DOCK9: variants seen among roughly 807,000 people sequenced by gnomAD.
DOCK9 encodes the protein dedicator of cytokinesis protein 9.
Under a neutral mutation model 263.3 loss-of-function variants are expected in DOCK9, and 89 were observed. The ratio of observed to expected loss-of-function variants is 0.34; its 90% CI spans 0.28 to 0.40. The LOEUF (loss-of-function observed/expected upper bound fraction) is 0.40, where lower values mean the gene tolerates loss of function less well. DOCK9 is among the 10% of genes least tolerant of loss of function. DOCK9 has a pLI of 1.00. For synonymous variants in DOCK9, 976 were observed against 973.1 expected, an observed-to-expected ratio of 1.00 and a Z score of -0.06; for missense variants, 2,140 against 2,603.4, an observed-to-expected ratio of 0.82 and a Z score of 3.87.
chr13:99,034,802 G>A (rs1467329275), intron 1 of DOCK9, among the ~76,000 whole-genome samples: 1 of 152,202 alleles, frequency 6.6e-6, no homozygotes, highest in Non-Finnish European at 1.5e-5. Context: ...AAGGAACAGT[G>A]AAGGAACTGT....
chr13:98,981,428 T>C (rs1237223956), upstream of DOCK9, among the ~76,000 whole-genome samples: 3 of 152,168 alleles, frequency 2.0e-5, no homozygotes, highest in Non-Finnish European at 2.9e-5. Flanking sequence ...ATGTGCAATA[T>C]ACAAGGCTGG....
At chr13:99,028,923 T>A (rs148212059) in intron 1 of DOCK9, among the ~76,000 whole-genome samples, 1 of 152,240 alleles carries the variant, frequency 6.6e-6, no homozygotes, top group Admixed American at 6.5e-5. Context: ...TGGCCAATTA[T>A]ATAGGTATTC....
At position 99,010,000 on chromosome 13, in the gene DOCK9, T is replaced by TA. The variant is rs35908012; in HGVS notation, c.130-54450dup. On this transcript the variant is annotated intron_variant, in intron 1 of 32. Coordinates refer to the DOCK9 transcript ENST00000427887. ...ACTTTAAGGTTTTAAGGCCATAAGG[T>TA]AAAAAAAAAAAAAGAGAGAGAAATA... is the stretch of plus-strand genomic sequence containing the variant. Among the ~76,000 whole-genome samples, 1,129 of 134,580 alleles carry TA rather than the reference T, an allele frequency of 8.4e-3. 17 individuals are homozygous for TA. The highest frequency in any genetic ancestry group is 0.049 in the South Asian group (210 of 4,296). The allele number at this position is 134,580 out of a possible 152,430, so 88.3% of individuals were successfully genotyped here.
intron 1 of DOCK9, among the ~76,000 whole-genome samples, chr13:98,959,963 G>A (rs984685826): frequency 1.3e-5 from 2 of 152,174 alleles, no homozygotes; most frequent in African/African-American, 2.4e-5. Flanking sequence ...GCATGGAGGC[G>A]GGGACAGCCC....
At chr13:98,859,589 G>T (rs980779789) in intron 33 of DOCK9, 1 of 152,032 alleles carries the variant, frequency 6.6e-6, no homozygotes, top group Non-Finnish European at 1.5e-5. Flanking sequence ...TTTATCCCAT[G>T]AATTAGTCCC....
At chr13:98,857,156 G>GT (rs1345164703) in intron 33 of DOCK9, 1 of 152,192 alleles carries the variant, frequency 6.6e-6, no homozygotes, top group Non-Finnish European at 1.5e-5. Flanking sequence ...GGCCTGGCTG[G>GT]TTTGGCAGAT....
At chr13:98,808,550 C>A in intron 47 of DOCK9, 1 of 864,652 alleles carries the variant, frequency 1.2e-6, no homozygotes, top group Non-Finnish European at 1.9e-6. Context: ...TGCAAGCTAG[C>A]ATGAAACAAA....
intron 1 of DOCK9, among the ~76,000 whole-genome samples, chr13:99,017,454 G>T (rs1469475039): frequency 1.3e-5 from 2 of 152,122 alleles, no homozygotes; most frequent in Non-Finnish European, 2.9e-5. Flanking sequence ...AAATTAATTT[G>T]TTATTGTTAT....
At chr13:98,974,183 G>GT in intron 1 of DOCK9, among the ~76,000 whole-genome samples, 1 of 152,172 alleles carries the variant, frequency 6.6e-6, no homozygotes, top group Admixed American at 6.5e-5. Flanking sequence ...CGGGTAGGGG[G>GT]TAAAAATAGG....
chr13:98,804,959 G>T (rs1324433950), intron 49 of DOCK9, 40 bp downstream of exon 49: 3 of 1,553,986 alleles, frequency 1.9e-6, no homozygotes. Context: ...CTTTGGCGAG[G>T]TGTCCGGGCT....
chr13:98,876,429 C>T (rs1476483661), intron 27 of DOCK9, among the ~76,000 whole-genome samples: 3 of 152,080 alleles, frequency 2.0e-5, no homozygotes, highest in Admixed American at 6.5e-5. Context: ...AGGTGGAGGT[C>T]GCAGTGAGCC....
chr13:99,078,479 C>T lies in DOCK9; in HGVS notation c.129+7744G>A, dbSNP rs544163142. Among the ~76,000 whole-genome samples the T allele has an allele frequency of 2.6e-5, 4 of 152,232 alleles. No homozygotes were observed. The South Asian group carries it at 6.2e-4, about 24-fold the overall frequency. On this transcript the variant is annotated intron_variant, in intron 1 of 32. Transcript: ENST00000427887. Reference sequence around the variant, plus strand: ...TATGGGGTGAGCCCTGAGAGGCCGCCCCACACTAAGGACATGAGCAGGTCA... The same window carrying T: ...TATGGGGTGAGCCCTGAGAGGCCGCTCCACACTAAGGACATGAGCAGGTCA...
intron 1 of DOCK9, among the ~76,000 whole-genome samples, chr13:99,016,734 G>T (rs370248409): frequency 2.0e-5 from 3 of 152,184 alleles, no homozygotes; most frequent in East Asian, 3.8e-4. Context: ...AAAAGACCAT[G>T]CTGCACATAC....
At chr13:98,913,097 A>G (rs1234051344) in intron 9 of DOCK9, among the ~76,000 whole-genome samples, 1 of 152,240 alleles carries the variant, frequency 6.6e-6, no homozygotes, top group East Asian at 1.9e-4. Context: ...CAAGTCCTAA[A>G]GAAAAACAAT....
chr13:98,962,469 G>A lies in DOCK9; in HGVS notation c.127-6918C>T, dbSNP rs114334917. On this transcript the variant is annotated intron_variant, in intron 1 of 52. Coordinates refer to ENST00000682017, the MANE Select transcript of DOCK9 (RefSeq NM_001366683.2). ...GTCGTGTGTCCACACGAATGCTGAC[G>A]AGGATGGCAGCATGGTTAGGAAAGC... Among the ~76,000 whole-genome samples the A allele has an allele frequency of 7.0e-3, 1,069 of 152,268 alleles. 12 individuals carry two copies. Among genetic ancestry groups the A allele is most frequent in the African/African-American group, 0.025 (1,034 of 41,544 alleles).
At chr13:98,826,116 C>CTA (rs776810998) in intron 44 of DOCK9, 3 of 455,174 alleles carry the variant, frequency 6.6e-6, no homozygotes, top group Non-Finnish European at 1.2e-5. Flanking sequence ...TGGTTTCACA[C>CTA]TATTTCTCAC....
chr13:98,868,141 AC>A, intron 28 of DOCK9, 89 bp downstream of exon 28: 1 of 1,559,080 alleles, frequency 6.4e-7, no homozygotes, highest in East Asian at 2.2e-5. Flanking sequence ...TTGCCAGAGC[AC>A]CTACTCTATT....
Position 98,897,347 on chromosome 13 carries a change from G to C in DOCK9, c.1709+141C>G, listed in dbSNP as rs2047593553. On this transcript the variant is annotated intron_variant, in intron 15 of 52. Transcript: ENST00000682017. ...TTTTCACCCCATCTTTCTTCTCAAG[G>C]GTTTGAGGAAATGCTTCACGCTCAT... 6 of 1,029,766 alleles carry C rather than the reference G, an allele frequency of 5.8e-6. No individual in the cohort carries two copies. The South Asian group carries it at 6.4e-5, about 11-fold the overall frequency. The allele number at this position is 1,029,766 out of a possible 1,614,324, so 63.8% of individuals were successfully genotyped here.
chr13:99,057,053 A>C (rs2040958946), intron 1 of DOCK9, among the ~76,000 whole-genome samples: 1 of 152,184 alleles, frequency 6.6e-6, no homozygotes, highest in Admixed American at 6.5e-5. Context: ...AAGCAAAGAA[A>C]GTCAATCTCC....
Sources: allele counts gnomAD v4.1 joint callset (sites outside exome capture counted in the v4.1 genomes callset), GRCh38; gene constraint gnomAD v4.1.1; transcripts MANE v1.5; gene names NCBI Gene and HGNC (gene_info 2026-07-23, HGNC 2026-07-21).